Variants in AP3S2 observed in about 807,000 individuals in gnomAD.
AP3S2 encodes adaptor related protein complex 3 subunit sigma 2, also known as AP-3 complex subunit sigma-2.
AP3S2 carries 22 observed loss-of-function variants against 23.4 expected under a neutral mutation model. The ratio of observed to expected loss-of-function variants is 0.94; its 90% CI spans 0.67 to 1.34. The LOEUF (loss-of-function observed/expected upper bound fraction) is 1.34. Among genes scored for constraint, AP3S2 ranks in the 40% most tolerant of loss-of-function variants. The pLI is 0.00. For synonymous variants in AP3S2, 86 were observed against 87.1 expected, an observed-to-expected ratio of 0.99 and a Z score of 0.07; for missense variants, 241 against 236.9, an observed-to-expected ratio of 1.02 and a Z score of -0.11.
At chr15:89,874,906 T>C (rs893100451) in intron 3 of AP3S2, among the ~76,000 whole-genome samples, 2 of 152,170 alleles carry the variant, frequency 1.3e-5, no homozygotes, top group Non-Finnish European at 2.9e-5. Flanking sequence ...AAGAGTCGTA[T>C]TTTAAGTTGG....
At chr15:89,843,986 G>A (rs1196153660) in intron 4 of AP3S2, among the ~76,000 whole-genome samples, 1 of 152,030 alleles carries the variant, frequency 6.6e-6, no homozygotes, top group Non-Finnish European at 1.5e-5. Context: ...AAGAGAAGAG[G>A]GGAAAAAGGA....
At position 89,889,680 on chromosome 15, in the gene AP3S2, A is replaced by C. The variant is rs547490517; in HGVS notation, c.70-540T>G. Reference sequence around the variant, plus strand: ...GAAACCCCATCTCTACTAAAAATACAAAAAAAAACAAAACAAAATAAAACA... The same window carrying C: ...GAAACCCCATCTCTACTAAAAATACCAAAAAAAACAAAACAAAATAAAACA... On this transcript the variant is annotated intron_variant, in intron 1 of 5. Coordinates refer to ENST00000336418, the MANE Select transcript of AP3S2 (RefSeq NM_005829.5). 2.1e-4 allele frequency among the ~76,000 whole-genome samples: 32 copies of C among 150,234 alleles called. 1 individual carries two copies. The East Asian group carries it at 5.3e-3, about 25-fold the overall frequency.
chr15:89,880,878 G>A (rs928182260), intron 3 of AP3S2, among the ~76,000 whole-genome samples: 2 of 152,186 alleles, frequency 1.3e-5, no homozygotes, highest in Non-Finnish European at 2.9e-5. Context: ...CAGTCAACAA[G>A]TCATGTTCTT....
intron 4 of AP3S2, among the ~76,000 whole-genome samples, chr15:89,840,804 G>A (rs1411410370): frequency 2.6e-5 from 4 of 152,206 alleles, no homozygotes; most frequent in Non-Finnish European, 2.9e-5. Flanking sequence ...CCAATGTCAT[G>A]TATATTAGCA....
At chr15:89,851,736 A>C (rs548028221) in intron 4 of AP3S2, among the ~76,000 whole-genome samples, 1 of 152,080 alleles carries the variant, frequency 6.6e-6, no homozygotes, top group East Asian at 1.9e-4. Context: ...TATACTCACT[A>C]CATATTATTA....
At chr15:89,843,167 A>T (rs1043151628) in intron 4 of AP3S2, among the ~76,000 whole-genome samples, 1 of 150,642 alleles carries the variant, frequency 6.6e-6, no homozygotes, top group Non-Finnish European at 1.5e-5. Context: ...TATTTTTCGT[A>T]GAGATGGGGT....
chr15:89,892,085 T>C (rs1312170938), intron 1 of AP3S2, among the ~76,000 whole-genome samples: 3 of 152,210 alleles, frequency 2.0e-5, no homozygotes, highest in African/African-American at 7.2e-5. Flanking sequence ...ACAACATGGA[T>C]GAATCTTGAA....
At chr15:89,892,579 A>G (rs1294541274) in intron 1 of AP3S2, among the ~76,000 whole-genome samples, 3 of 152,224 alleles carry the variant, frequency 2.0e-5, no homozygotes, top group South Asian at 2.1e-4. Context: ...CCTGTTAGAA[A>G]AAAACTAGGG....
chr15:89,871,678 A>G, intron 3 of AP3S2, 132 bp from the exon 4 acceptor site: 1 of 891,618 alleles, frequency 1.1e-6, no homozygotes, highest in Non-Finnish European at 1.7e-6. Flanking sequence ...AAATTAAAAC[A>G]CCTACCTTTT....
chr15:89,841,593 G>C (rs1218305522), intron 4 of AP3S2, among the ~76,000 whole-genome samples: 1 of 152,204 alleles, frequency 6.6e-6, no homozygotes, highest in South Asian at 2.1e-4. Flanking sequence ...CCTCACAGAG[G>C]TGGTGTCTGT....
chr15:89,892,169 A>G (rs1252005303), intron 1 of AP3S2, among the ~76,000 whole-genome samples: 1 of 152,244 alleles, frequency 6.6e-6, no homozygotes, highest in Non-Finnish European at 1.5e-5. Context: ...AGGCAACGGA[A>G]TAGGCAAATT....
intron 4 of AP3S2, among the ~76,000 whole-genome samples, chr15:89,843,475 T>G (rs926080461): frequency 6.6e-6 from 1 of 151,660 alleles, no homozygotes; most frequent in African/African-American, 2.4e-5. Context: ...CCGTCTCTAC[T>G]AAAAATACAA....
rs1896015193 is a variant in AP3S2 at position 89,861,873 on chromosome 15, A to G, written c.345+9602T>C. The stretch of plus-strand genomic sequence containing the variant: ...CAAAGAGATCACAATAGGCTAGACC[A>G]TGAGGGCAAGCTTTAGGGTGGTAGG... On this transcript the variant is annotated intron_variant, in intron 4 of 5. Coordinates refer to ENST00000336418, the MANE Select transcript of AP3S2 (RefSeq NM_005829.5). Among the ~76,000 whole-genome samples the G allele has an allele frequency of 2.6e-5, 4 of 152,236 alleles. No homozygotes were observed. In the South Asian group the frequency reaches 8.3e-4, roughly 31 times the overall value.
At chr15:89,844,874 C>A (rs1895447836) in intron 4 of AP3S2, among the ~76,000 whole-genome samples, 1 of 152,072 alleles carries the variant, frequency 6.6e-6, no homozygotes, top group Non-Finnish European at 1.5e-5. Flanking sequence ...CTTGTCCTTC[C>A]AAAGCATTCC....
intron 3 of AP3S2, among the ~76,000 whole-genome samples, chr15:89,884,229 TTTA>T (rs761897977): frequency 7.2e-5 from 11 of 152,348 alleles, no homozygotes; most frequent in South Asian, 2.1e-4. Flanking sequence ...ACTACTAATT[TTTA>T]TTATATTAGT....
intron 4 of AP3S2, chr15:89,852,447 G>A (rs536779043): frequency 2.0e-5 from 3 of 152,348 alleles, no homozygotes; most frequent in Admixed American, 1.3e-4. Context: ...CCTCCATGAA[G>A]AGAGCTCACT....
chr15:89,852,212 G>A (rs1466734626), intron 4 of AP3S2: 7 of 152,128 alleles, frequency 4.6e-5, no homozygotes, highest in Admixed American at 6.6e-5. Flanking sequence ...TTAGCTGCCA[G>A]GCTTATTCTA....
intron 4 of AP3S2, among the ~76,000 whole-genome samples, chr15:89,843,733 A>T (rs375001414): frequency 6.6e-6 from 1 of 152,066 alleles, no homozygotes; most frequent in Non-Finnish European, 1.5e-5. Flanking sequence ...GCCTGAACCC[A>T]GGAGGAGGAG....
At chr15:89,878,376 A>T (rs1199411561) in intron 3 of AP3S2, 1 of 579,994 alleles carries the variant, frequency 1.7e-6, no homozygotes. Flanking sequence ...ATATGCATAC[A>T]ATTAGGAAAA....
Sources: gnomAD v4.1 joint callset for allele counts (sites outside exome capture counted in the v4.1 genomes callset) on GRCh38, gnomAD v4.1.1 for gene constraint, MANE v1.5 for transcripts, NCBI Gene and HGNC (gene_info 2026-07-23, HGNC 2026-07-21) for gene names.